Variants in GCNT1 observed in about 807,000 individuals in gnomAD.
GCNT1 encodes the protein glucosaminyl (N-acetyl) transferase 1, also known as beta-1,3-galactosyl-O-glycosyl-glycoprotein beta-1,6-N-acetylglucosaminyltransferase.
A neutral mutation model predicts 26.2 loss-of-function variants in GCNT1; 16 were observed. That is an observed-to-expected ratio of 0.61 (90% CI 0.41 to 0.93). The LOEUF is 0.93. GCNT1 is among the 40% of genes least tolerant of loss of function. GCNT1 has a pLI of 0.00. For missense variants in GCNT1, 477 were observed against 526.7 expected, an observed-to-expected ratio of 0.91 and a Z score of 0.92; for synonymous variants, 183 against 190.8, an observed-to-expected ratio of 0.96 and a Z score of 0.34.
chr9:76,481,567 A>G (rs1425031018), intron 2 of GCNT1, among the ~76,000 whole-genome samples: 2 of 152,116 alleles, frequency 1.3e-5, no homozygotes, highest in Non-Finnish European at 2.9e-5. Context: ...TTATATATAA[A>G]AGCTGATTAG....
chr9:76,448,493 T>C (rs1372079348), intron 1 of GCNT1, among the ~76,000 whole-genome samples: 1 of 152,086 alleles, frequency 6.6e-6, no homozygotes, highest in East Asian at 1.9e-4. Flanking sequence ...GAGGCATGGT[T>C]TAATAAAATA....
At chr9:76,470,959 A>G (rs1316826915) in intron 2 of GCNT1, among the ~76,000 whole-genome samples, 1 of 152,188 alleles carries the variant, frequency 6.6e-6, no homozygotes, top group Non-Finnish European at 1.5e-5. Context: ...TAAATGCAGA[A>G]CTTGCCTCTG....
chr9:76,488,196 T>C (rs1037526425), intron 2 of GCNT1, among the ~76,000 whole-genome samples: 1 of 152,228 alleles, frequency 6.6e-6, no homozygotes, highest in African/African-American at 2.4e-5. Flanking sequence ...TGAATACATC[T>C]TGGTGTGGGT....
chr9:76,472,529 G>A (rs1449566514), intron 2 of GCNT1, among the ~76,000 whole-genome samples: 2 of 152,184 alleles, frequency 1.3e-5, no homozygotes, highest in South Asian at 2.1e-4. Context: ...GAGTTACAGA[G>A]GAGGGTGCAA....
intron 2 of GCNT1, among the ~76,000 whole-genome samples, chr9:76,483,408 T>C (rs925463992): frequency 7.2e-5 from 11 of 151,968 alleles, no homozygotes; most frequent in Non-Finnish European, 1.6e-4. Context: ...GAGGGGTTTT[T>C]TTTTTATTGT....
At chr9:76,466,137 C>T (rs1823988485) in intron 2 of GCNT1, among the ~76,000 whole-genome samples, 1 of 151,968 alleles carries the variant, frequency 6.6e-6, no homozygotes. Context: ...AAGGGCTGGA[C>T]CCGTAGAGTT....
intron 2 of GCNT1, among the ~76,000 whole-genome samples, chr9:76,472,812 G>C (rs1041844320): frequency 8.2e-5 from 12 of 145,582 alleles, no homozygotes; most frequent in African/African-American, 2.8e-4. Context: ...GCAATGGCGT[G>C]ATCTCAGCTC....
chr9:76,440,787 C>T (rs185031384), upstream of GCNT1, among the ~76,000 whole-genome samples: 7 of 152,122 alleles, frequency 4.6e-5, no homozygotes, highest in Admixed American at 3.9e-4. Context: ...CTATGCCTGC[C>T]GGGTGCAGTG....
At chr9:76,453,339 G>A (rs11144909) in intron 1 of GCNT1, among the ~76,000 whole-genome samples, 29,443 of 152,000 alleles carry the variant, frequency 0.19, 3,364 homozygotes, top group Non-Finnish European at 0.27. Flanking sequence ...GGCAACAAAA[G>A]AGAAGGTTTA....
At chr9:76,460,022 G>C (rs780328861) in intron 1 of GCNT1, 38 bp from the exon 2 acceptor site, 1 of 152,154 alleles carries the variant, frequency 6.6e-6, no homozygotes, top group Admixed American at 6.6e-5. Context: ...TTTTGAAATG[G>C]AAGAAGCCCT....
intron 2 of GCNT1, among the ~76,000 whole-genome samples, chr9:76,492,250 C>T (rs1014866393): frequency 6.6e-6 from 1 of 152,162 alleles, no homozygotes; most frequent in Non-Finnish European, 1.5e-5. Context: ...AAATGGGTAA[C>T]TTGTTCCCCA....
the GCNT1 span, among the ~76,000 whole-genome samples, chr9:76,413,653 G>GTTTTTTTTTT: frequency 5.6e-4 from 66 of 118,666 alleles, no homozygotes; most frequent in East Asian, 4.7e-3. Flanking sequence ...GTTTTGTTTT[G>GTTTTTTTTTT]TTTTTTTTTT....
chr9:76,456,056 GAGTT>G (rs201401945), upstream of GCNT1, among the ~76,000 whole-genome samples: 1,855 of 152,332 alleles, frequency 0.012, 21 homozygotes, highest in Non-Finnish European at 0.019. Context: ...TTGTGATCAT[GAGTT>G]TGCTCCTTGT....
intron 1 of GCNT1, among the ~76,000 whole-genome samples, chr9:76,434,752 C>T (rs1234162163): frequency 6.6e-6 from 1 of 152,114 alleles, no homozygotes; most frequent in East Asian, 1.9e-4. Context: ...AATGGATGTG[C>T]AAGTAAGAGA....
At chr9:76,413,653 G>GTTTTTTTTTTTTTTTTTTTTTTTT in the GCNT1 span, among the ~76,000 whole-genome samples, 1 of 118,658 alleles carries the variant, frequency 8.4e-6, no homozygotes, top group Non-Finnish European at 1.8e-5. Flanking sequence ...GTTTTGTTTT[G>GTTTTTTTTTTTTTTTTTTTTTTTT]TTTTTTTTTT....
chr9:76,430,972 C>T (rs1008412071), intron 1 of GCNT1, among the ~76,000 whole-genome samples: 13 of 152,208 alleles, frequency 8.5e-5, no homozygotes, highest in African/African-American at 3.1e-4. Context: ...GGGCATGAGC[C>T]ACTGTACCTG....
At chr9:76,492,156 G>T (rs1250456263) in intron 2 of GCNT1, among the ~76,000 whole-genome samples, 1 of 152,114 alleles carries the variant, frequency 6.6e-6, no homozygotes, top group Non-Finnish European at 1.5e-5. Flanking sequence ...TTTGTCCTGT[G>T]GGAAGGCTTA....
chr9:76,430,604 A>G (rs1021731729), intron 1 of GCNT1, among the ~76,000 whole-genome samples: 3 of 151,708 alleles, frequency 2.0e-5, no homozygotes, highest in African/African-American at 7.3e-5. Context: ...TAGGCTGGTC[A>G]TGAACTCCTG....
intron 1 of GCNT1, among the ~76,000 whole-genome samples, chr9:76,459,816 G>A (rs1485147025): frequency 6.6e-6 from 1 of 152,176 alleles, no homozygotes; most frequent in Non-Finnish European, 1.5e-5. Flanking sequence ...AGAGACGTTA[G>A]TTTAGGGGCT....
Sources: gnomAD v4.1 joint callset for allele counts (sites outside exome capture counted in the v4.1 genomes callset) on GRCh38, gnomAD v4.1.1 for gene constraint, MANE v1.5 for transcripts, NCBI Gene and HGNC (gene_info 2026-07-23, HGNC 2026-07-21) for gene names.